RASEF: variants seen among roughly 807,000 people sequenced by gnomAD.
The protein encoded by RASEF is RAS and EF-hand domain containing, also known as ras and EF-hand domain-containing protein.
Under a neutral mutation model 90.1 loss-of-function variants are expected in RASEF, and 68 were observed. The observed-to-expected ratio is 0.75, with a 90% CI of 0.62 to 0.92. The LOEUF (loss-of-function observed/expected upper bound fraction) is 0.92, where lower values mean the gene tolerates loss of function less well. Ranked by LOEUF, RASEF falls within the 40% of genes least tolerant of loss-of-function variation. The probability of loss-of-function intolerance (pLI) is 0.00; values close to 1 mark genes in which losing one functional copy is unlikely to be tolerated. For synonymous variants in RASEF, 331 were observed against 345.2 expected (o/e 0.96, Z 0.46); for missense variants, 949 against 937.2 (o/e 1.01, Z -0.16).
the RASEF span, among the ~76,000 whole-genome samples, chr9:83,075,410 T>C: frequency 1.3e-5 from 2 of 152,214 alleles, no homozygotes; most frequent in Non-Finnish European, 2.9e-5. Context: ...AGACAGGGTT[T>C]ATACATTATA....
chr9:83,055,599 T>C (rs1055119391), intron 1 of RASEF: 3 of 718,004 alleles, frequency 4.2e-6, no homozygotes, highest in Non-Finnish European at 7.8e-6. Context: ...TTTCTCTGCC[T>C]TCCTTTTTAG....
chr9:83,177,502 A>G, the RASEF span, among the ~76,000 whole-genome samples: 31 of 152,094 alleles, frequency 2.0e-4, no homozygotes, highest in African/African-American at 7.5e-4. Context: ...GTTTGTTTTC[A>G]TTTTTAGAAC....
chr9:83,214,484 T>A, the RASEF span, among the ~76,000 whole-genome samples: 1 of 152,216 alleles, frequency 6.6e-6, no homozygotes, highest in Non-Finnish European at 1.5e-5. Flanking sequence ...AAATCCCAGG[T>A]CTACCATGAG....
chr9:83,096,459 C>G, the RASEF span, among the ~76,000 whole-genome samples: 1 of 152,144 alleles, frequency 6.6e-6, no homozygotes, highest in South Asian at 2.1e-4. Flanking sequence ...GATGCTTACG[C>G]ATGAAAAAGC....
intron 1 of RASEF, among the ~76,000 whole-genome samples, chr9:83,058,974 T>G (rs1383845694): frequency 6.6e-6 from 1 of 152,086 alleles, no homozygotes; most frequent in African/African-American, 2.4e-5. Flanking sequence ...CACCCATCAC[T>G]ATACCTGCCA....
chr9:83,146,817 G>A, the RASEF span, among the ~76,000 whole-genome samples: 1 of 151,986 alleles, frequency 6.6e-6, no homozygotes, highest in Non-Finnish European at 1.5e-5. Flanking sequence ...ACAAAATTAG[G>A]CAGAGCAGAC....
At position 82,980,294 on chromosome 9, in the gene RASEF, G is replaced by C. The variant is rs1483870748; in HGVS notation, c.*2383C>G. Reference sequence around the variant, plus strand: ...GCTTTAAATTTGAGAACACCTTCATGAAATCAAAACGTTGGTAATAATCAT... The same window carrying C: ...GCTTTAAATTTGAGAACACCTTCATCAAATCAAAACGTTGGTAATAATCAT... On this transcript the variant is annotated 3_prime_UTR_variant, in exon 17 of 17. Coordinates refer to ENST00000376447, the MANE Select transcript of RASEF (RefSeq NM_152573.4). 6.6e-6 allele frequency: 1 copy of C among 152,176 alleles called. No homozygotes were observed. The highest frequency in any genetic ancestry group is 1.5e-5 in the Non-Finnish European group (1 of 68,020). 9.4% of individuals were successfully genotyped at this position (152,176 alleles called of 1,614,324 possible).
chr9:83,175,412 A>T, the RASEF span, among the ~76,000 whole-genome samples: 1 of 151,906 alleles, frequency 6.6e-6, no homozygotes, highest in African/African-American at 2.4e-5. Flanking sequence ...ACTTTAACTA[A>T]TTTTTTTTCT....
the RASEF span, among the ~76,000 whole-genome samples, chr9:83,212,911 C>T: frequency 6.6e-6 from 1 of 151,946 alleles, no homozygotes; most frequent in African/African-American, 2.4e-5. Context: ...AAAACAGAAG[C>T]GTAACCACAT....
the RASEF span, among the ~76,000 whole-genome samples, chr9:83,105,665 A>G: frequency 1.3e-5 from 2 of 152,246 alleles, no homozygotes; most frequent in Non-Finnish European, 2.9e-5. Context: ...ATATGGGATC[A>G]TGTGCTTGAA....
At chr9:83,198,682 A>C in the RASEF span, among the ~76,000 whole-genome samples, 1 of 152,188 alleles carries the variant, frequency 6.6e-6, no homozygotes, top group African/African-American at 2.4e-5. Context: ...AGCCTGAAAA[A>C]CAGAACTTGT....
chr9:83,004,029 T>C (rs1829085095), intron 9 of RASEF, among the ~76,000 whole-genome samples: 1 of 152,168 alleles, frequency 6.6e-6, no homozygotes, highest in Non-Finnish European at 1.5e-5. Flanking sequence ...TTCAATACAG[T>C]AGCTATTTTA....
the RASEF span, among the ~76,000 whole-genome samples, chr9:83,170,161 C>G: frequency 6.6e-6 from 1 of 152,098 alleles, no homozygotes; most frequent in Admixed American, 6.6e-5. Context: ...TCAGTTTTCA[C>G]AGCACCTATT....
chr9:83,161,976 C>T, the RASEF span, among the ~76,000 whole-genome samples: 1 of 152,012 alleles, frequency 6.6e-6, no homozygotes, highest in Non-Finnish European at 1.5e-5. Flanking sequence ...GTCCAATAAA[C>T]CTCTTTCTTC....
At chr9:83,012,830 A>T (rs1227494810) in intron 4 of RASEF, among the ~76,000 whole-genome samples, 2 of 152,210 alleles carry the variant, frequency 1.3e-5, no homozygotes, top group Non-Finnish European at 2.9e-5. Context: ...TAGAATCTGG[A>T]TCTTTTTATT....
At chr9:83,039,060 G>T (rs1829792734) in intron 1 of RASEF, among the ~76,000 whole-genome samples, 1 of 152,096 alleles carries the variant, frequency 6.6e-6, no homozygotes. Context: ...GATTGCAAAA[G>T]TTGAGAAACA....
intron 3 of RASEF, among the ~76,000 whole-genome samples, chr9:83,016,602 C>T (rs1829346881): frequency 6.6e-6 from 1 of 151,852 alleles, no homozygotes; most frequent in South Asian, 2.1e-4. Flanking sequence ...TATCACCTAC[C>T]AATGGTTCTA....
chr9:82,998,350 G>A lies in RASEF; in HGVS notation c.1805+15C>T. 1 of 1,578,876 alleles carries A rather than the reference G, an allele frequency of 6.3e-7. No homozygotes were observed. Among genetic ancestry groups the A allele is most frequent in the Non-Finnish European group, 8.7e-7 (1 of 1,148,108 alleles). The stretch of plus-strand genomic sequence containing the variant: ...CAAACCCAGGATATCCCATAGCGCT[G>A]CGGAATGCACTTGCCTCTCCTGACC... On this transcript the variant is annotated intron_variant, in intron 13 of 16. Coordinates refer to ENST00000376447, the MANE Select transcript of RASEF (RefSeq NM_152573.4).
At chr9:83,007,585 T>C (rs1829157700) in intron 6 of RASEF, 80 bp from the exon 7 acceptor site, 7 of 1,004,816 alleles carry the variant, frequency 7.0e-6, no homozygotes, top group Admixed American at 1.7e-5. Context: ...CCAGACCCTT[T>C]CCCACCTTTT....
Sources: gnomAD v4.1 joint callset for allele counts (sites outside exome capture counted in the v4.1 genomes callset) on GRCh38, gnomAD v4.1.1 for gene constraint, MANE v1.5 for transcripts, NCBI Gene and HGNC (gene_info 2026-07-23, HGNC 2026-07-21) for gene names.